Variants in PLCB1 observed in about 807,000 individuals in gnomAD.
PLCB1 encodes the protein 1-phosphatidylinositol 4,5-bisphosphate phosphodiesterase beta-1.
A neutral mutation model predicts 161.8 loss-of-function variants in PLCB1; 46 were observed. The ratio of observed to expected loss-of-function variants is 0.28; its 90% CI spans 0.22 to 0.36. The LOEUF is 0.36. PLCB1 is among the 10% of genes least tolerant of loss of function. The pLI, the probability that PLCB1 is intolerant of heterozygous loss-of-function variation, is 1.00. For missense variants in PLCB1, 1,016 were observed against 1,472.5 expected (o/e 0.69, Z 5.07); for synonymous variants, 517 against 503.7 (o/e 1.03, Z -0.35).
At chr20:8,809,726 A>G (rs956660042) in intron 31 of PLCB1, among the ~76,000 whole-genome samples, 4 of 152,246 alleles carry the variant, frequency 2.6e-5, no homozygotes, top group Middle Eastern at 3.4e-3. Context: ...ACTGAAATAA[A>G]TTACCTTCTT....
chr20:8,625,741 ACCAT>A (rs907782608), intron 3 of PLCB1, among the ~76,000 whole-genome samples: 1 of 152,152 alleles, frequency 6.6e-6, no homozygotes. Context: ...CCAAATGTTA[ACCAT>A]CCAGATGTAG....
chr20:8,294,694 A>G (rs970358886), intron 2 of PLCB1, among the ~76,000 whole-genome samples: 2 of 150,894 alleles, frequency 1.3e-5, no homozygotes, highest in Non-Finnish European at 3.0e-5. Flanking sequence ...TAGTTGGAAG[A>G]TTAAATTGAC....
At chr20:8,870,049 C>T (rs1223297155) in intron 31 of PLCB1, among the ~76,000 whole-genome samples, 2 of 152,214 alleles carry the variant, frequency 1.3e-5, no homozygotes, top group African/African-American at 2.4e-5. Context: ...TAACCAATGT[C>T]ATCGCATGAC....
At chr20:8,528,980 A>T (rs117340055) in intron 3 of PLCB1, among the ~76,000 whole-genome samples, 2,562 of 151,980 alleles carry the variant, frequency 0.017, 42 homozygotes, top group Non-Finnish European at 0.025. Flanking sequence ...TCTACACAAT[A>T]ACCTTCTAAC....
chr20:8,651,429 A>G lies in PLCB1; in HGVS notation c.594+1980A>G. On this transcript the variant is annotated intron_variant, in intron 7 of 31. Transcript: ENST00000338037. Reference sequence around the variant, plus strand: ...CTTCTATAGGTGGAAAAAGCTAATGAGGCTGCGAAAAGTGAGCAGAGCTGT... The same window carrying G: ...CTTCTATAGGTGGAAAAAGCTAATGGGGCTGCGAAAAGTGAGCAGAGCTGT... The G allele has an allele frequency of 2.8e-6, 2 of 725,428 alleles. 1 individual carries two copies. 44.9% of individuals were successfully genotyped at this position (725,428 alleles called of 1,614,324 possible). A position where few individuals can be genotyped will look rare whatever the true frequency, so the allele number is the denominator to read the frequency against.
At chr20:8,853,575 T>C (rs1986961449) in intron 31 of PLCB1, among the ~76,000 whole-genome samples, 1 of 152,218 alleles carries the variant, frequency 6.6e-6, no homozygotes. Context: ...ACACTTCATT[T>C]ACCCATTCCA....
rs1981719041 is a variant in PLCB1 at position 8,756,044 on chromosome 20, C to A, written c.2524-1002C>A. Among the ~76,000 whole-genome samples, 3 of 152,092 alleles carry A rather than the reference C, an allele frequency of 2.0e-5. 1 individual carries two copies. In the South Asian group the frequency reaches 6.2e-4, roughly 32 times the overall value. ...CTTATCAGGCATTTATGAGTGAGAACCTTCTCTTTATGACATTCCCTGGCT... is the reference window on the plus strand; with the variant it reads ...CTTATCAGGCATTTATGAGTGAGAAACTTCTCTTTATGACATTCCCTGGCT... On this transcript the variant is annotated intron_variant, in intron 23 of 31. Transcript: ENST00000338037.
intron 3 of PLCB1, among the ~76,000 whole-genome samples, chr20:8,442,520 A>G (rs564559674): frequency 1.3e-5 from 2 of 152,282 alleles, no homozygotes; most frequent in South Asian, 4.1e-4. Context: ...AAGTTTCAGC[A>G]TCTGAATTTT....
intron 3 of PLCB1, among the ~76,000 whole-genome samples, chr20:8,606,604 T>A (rs1987765752): frequency 6.6e-6 from 1 of 152,214 alleles, no homozygotes; most frequent in South Asian, 2.1e-4. Context: ...CTAGTGTCTT[T>A]TTTAGGATAT....
At chr20:8,159,988 C>CAAAAAAAAAAAAA (rs375028388) in intron 2 of PLCB1, among the ~76,000 whole-genome samples, 1 of 79,328 alleles carries the variant, frequency 1.3e-5, no homozygotes. Flanking sequence ...AACTCCATCT[C>CAAAAAAAAAAAAA]AAAAAAAAAA....
At chr20:8,494,408 C>T (rs557250808) in intron 3 of PLCB1, among the ~76,000 whole-genome samples, 1 of 152,018 alleles carries the variant, frequency 6.6e-6, no homozygotes, top group African/African-American at 2.4e-5. Context: ...AGATAAGATA[C>T]GTTGTATTGT....
intron 2 of PLCB1, among the ~76,000 whole-genome samples, chr20:8,301,416 A>G (rs148605450): frequency 0.011 from 1,616 of 152,270 alleles, 29 homozygotes; most frequent in African/African-American, 0.036. Flanking sequence ...TTCTTTTTCT[A>G]GCAAATTATT....
chr20:8,688,728 C>T (rs4278999), intron 10 of PLCB1, among the ~76,000 whole-genome samples: 99,935 of 152,056 alleles, frequency 0.66, 33,933 homozygotes, highest in South Asian at 0.78. Context: ...GCCAGTACCA[C>T]ACTGTTTTGG....
chr20:8,496,288 T>C (rs1983166176), intron 3 of PLCB1, among the ~76,000 whole-genome samples: 1 of 149,574 alleles, frequency 6.7e-6, no homozygotes, highest in Non-Finnish European at 1.5e-5. Flanking sequence ...AGCCCAGAAG[T>C]TCGAGACCAG....
intron 3 of PLCB1, among the ~76,000 whole-genome samples, chr20:8,433,562 GT>G (rs1481835666): frequency 6.8e-6 from 1 of 147,090 alleles, no homozygotes; most frequent in Non-Finnish European, 1.5e-5. Context: ...TCCCATGCCT[GT>G]TTTCTGGGTT....
At chr20:8,166,341 T>C (rs2051674726) in intron 2 of PLCB1, among the ~76,000 whole-genome samples, 2 of 152,182 alleles carry the variant, frequency 1.3e-5, no homozygotes, top group South Asian at 4.1e-4. Context: ...GCTTGATTAT[T>C]TTTATATAAT....
intron 3 of PLCB1, among the ~76,000 whole-genome samples, chr20:8,402,921 A>T (rs1978627460): frequency 6.6e-6 from 1 of 152,180 alleles, no homozygotes; most frequent in Admixed American, 6.5e-5. Context: ...TGTAACAATT[A>T]CAGTGTCACC....
intron 3 of PLCB1, among the ~76,000 whole-genome samples, chr20:8,544,195 G>A (rs2423377): frequency 0.28 from 42,911 of 151,654 alleles, 6,489 homozygotes; most frequent in Non-Finnish European, 0.33. Context: ...TAAAAAAAAG[G>A]CAGATGAGAG....
intron 31 of PLCB1, among the ~76,000 whole-genome samples, chr20:8,836,083 G>C (rs1159186936): frequency 6.6e-6 from 1 of 151,950 alleles, no homozygotes; most frequent in African/African-American, 2.4e-5. Context: ...GGAGTGACGG[G>C]GCCCTGTGTC....
Sources: gnomAD v4.1 joint callset for allele counts (sites outside exome capture counted in the v4.1 genomes callset) on GRCh38, gnomAD v4.1.1 for gene constraint, MANE v1.5 for transcripts, NCBI Gene and HGNC (gene_info 2026-07-23, HGNC 2026-07-21) for gene names.